The following SCEL variants were observed in gnomAD, a reference collection of about 807,000 sequenced individuals.
SCEL encodes sciellin.
Under a neutral mutation model 117.6 loss-of-function variants are expected in SCEL, and 113 were observed. The ratio of observed to expected loss-of-function variants is 0.96; its 90% CI spans 0.83 to 1.12. The LOEUF (loss-of-function observed/expected upper bound fraction) is 1.12, where lower values mean the gene tolerates loss of function less well. Among genes scored for constraint, SCEL ranks in the 50% most tolerant of loss-of-function variants. SCEL has a pLI of 0.00. For synonymous variants in SCEL, 270 were observed against 256.2 expected (o/e 1.05, Z -0.51); for missense variants, 785 against 810.8 (o/e 0.97, Z 0.39).
intron 1 of SCEL, among the ~76,000 whole-genome samples, chr13:77,536,654 C>G (rs1179413486): frequency 6.6e-6 from 1 of 152,142 alleles, no homozygotes; most frequent in Non-Finnish European, 1.5e-5. Flanking sequence ...GCTAAGCTGA[C>G]TTGTGTTTTT....
chr13:77,600,662 A>T (rs1270053628), intron 15 of SCEL, among the ~76,000 whole-genome samples: 1 of 152,096 alleles, frequency 6.6e-6, no homozygotes, highest in African/African-American at 2.4e-5. Context: ...ATTGACTTAC[A>T]TGACTGATAT....
intron 28 of SCEL, among the ~76,000 whole-genome samples, chr13:77,633,072 G>A (rs2090097341): frequency 6.6e-6 from 1 of 152,208 alleles, no homozygotes; most frequent in African/African-American, 2.4e-5. Flanking sequence ...TATTCTTAAA[G>A]GTAAGGCAGA....
intron 18 of SCEL, 119 bp downstream of exon 18, chr13:77,603,254 T>G (rs2087850446): frequency 2.0e-6 from 1 of 509,194 alleles, no homozygotes; most frequent in Non-Finnish European, 3.4e-6. Flanking sequence ...ACAATAAAGA[T>G]AGGCCACACG....
chr13:77,611,371 C>A (rs1428697217), intron 22 of SCEL, among the ~76,000 whole-genome samples: 1 of 152,174 alleles, frequency 6.6e-6, no homozygotes, highest in Non-Finnish European at 1.5e-5. Context: ...AGAATCAAAT[C>A]TGACTGTAGT....
At chr13:77,545,092 A>G (rs1024189294) in intron 1 of SCEL, among the ~76,000 whole-genome samples, 1 of 152,262 alleles carries the variant, frequency 6.6e-6, no homozygotes, top group African/African-American at 2.4e-5. Context: ...TAAGAGAGAC[A>G]GCGTTCACAC....
chr13:77,632,487 T>TAATA (rs2090070542), intron 28 of SCEL, among the ~76,000 whole-genome samples: 1 of 152,240 alleles, frequency 6.6e-6, no homozygotes, highest in African/African-American at 2.4e-5. Context: ...TCTCATCACT[T>TAATA]AATAAAATTT....
intron 24 of SCEL, 151 bp downstream of exon 24, chr13:77,614,106 G>T: frequency 1.5e-6 from 1 of 678,194 alleles, no homozygotes; most frequent in Admixed American, 2.7e-5. Flanking sequence ...TTTGTTAATT[G>T]CAAGAAAGAG....
intron 4 of SCEL, among the ~76,000 whole-genome samples, chr13:77,562,306 G>A (rs2085028985): frequency 6.6e-6 from 1 of 152,172 alleles, no homozygotes. Context: ...CAAGGGGACA[G>A]ATGGCCCTCC....
chr13:77,563,040 A>G (rs2085072665), intron 4 of SCEL, among the ~76,000 whole-genome samples: 2 of 152,148 alleles, frequency 1.3e-5, no homozygotes, highest in South Asian at 4.1e-4. Context: ...TGTTTGATCA[A>G]TCTGATCAGG....
chr13:77,575,795 G>T (rs572485981), intron 9 of SCEL, among the ~76,000 whole-genome samples: 1 of 152,212 alleles, frequency 6.6e-6, no homozygotes, highest in South Asian at 2.1e-4. Flanking sequence ...TTCTTCTCTT[G>T]CTAAGAATGG....
intron 1 of SCEL, 72 bp from the exon 2 acceptor site, chr13:77,555,785 A>C (rs920775177): frequency 1.0e-6 from 1 of 973,654 alleles, no homozygotes; most frequent in African/African-American, 1.6e-5. Flanking sequence ...AGTGAATCTC[A>C]GTCATGAAAC....
intron 28 of SCEL, among the ~76,000 whole-genome samples, chr13:77,633,462 A>AAAAAAAAAAAAC (rs2090129703): frequency 6.9e-6 from 1 of 144,714 alleles, no homozygotes; most frequent in Non-Finnish European, 1.5e-5. Context: ...AAAAAAAAAA[A>AAAAAAAAAAAAC]AAAAGAAGCC....
chr13:77,543,692 G>C (rs1593866120), intron 1 of SCEL, among the ~76,000 whole-genome samples: 2 of 152,294 alleles, frequency 1.3e-5, no homozygotes, highest in Middle Eastern at 6.8e-3. Context: ...GAAACACTTG[G>C]TATTTGGTTT....
At chr13:77,568,224 G>C in intron 6 of SCEL, 71 bp from the exon 7 acceptor site, 1 of 939,084 alleles carries the variant, frequency 1.1e-6, no homozygotes, top group Non-Finnish European at 1.7e-6. Flanking sequence ...TCTAAATTCA[G>C]GAATAATTCC....
At chr13:77,571,714 T>C (rs1417317939) in intron 8 of SCEL, among the ~76,000 whole-genome samples, 2 of 148,290 alleles carry the variant, frequency 1.3e-5, no homozygotes, top group African/African-American at 2.5e-5. Context: ...AAATAAAACA[T>C]ATATATATAT....
At chr13:77,583,138 G>A (rs974041347) in intron 9 of SCEL, among the ~76,000 whole-genome samples, 2 of 152,206 alleles carry the variant, frequency 1.3e-5, no homozygotes, top group African/African-American at 4.8e-5. Context: ...CAAGGTACTT[G>A]TGGAGTGGAG....
chr13:77,563,347 A>G (rs906148697), intron 4 of SCEL, among the ~76,000 whole-genome samples: 2 of 151,672 alleles, frequency 1.3e-5, no homozygotes, highest in Non-Finnish European at 2.9e-5. Context: ...CCCTTCTTTC[A>G]ACCCTGTCCA....
intron 27 of SCEL, among the ~76,000 whole-genome samples, chr13:77,620,990 A>G (rs576166139): frequency 5.3e-4 from 80 of 152,172 alleles, no homozygotes; most frequent in Admixed American, 3.0e-3. Flanking sequence ...CTGGTGTTTC[A>G]TTCCCCATAA....
At position 77,550,464 on chromosome 13, in the gene SCEL, G is replaced by A. The variant is rs151088247; in HGVS notation, c.-19-5393G>A. 4.0e-3 allele frequency among the ~76,000 whole-genome samples: 595 copies of A among 150,008 alleles called. 2 individuals are homozygous for A. Among genetic ancestry groups the A allele is most frequent in the Non-Finnish European group, 6.9e-3 (464 of 67,624 alleles). ...GCAACCATCACCACTATCTGATTCC[G>A]GAGTATTTTAATTTTACCCCAAAAA... On this transcript the variant is annotated intron_variant, in intron 1 of 32. Coordinates refer to ENST00000349847, the MANE Select transcript of SCEL (RefSeq NM_144777.3).
Sources: gnomAD v4.1 joint callset for allele counts (sites outside exome capture counted in the v4.1 genomes callset) on GRCh38, gnomAD v4.1.1 for gene constraint, MANE v1.5 for transcripts, NCBI Gene and HGNC (gene_info 2026-07-23, HGNC 2026-07-21) for gene names.